The following IGLL5 variants were observed in gnomAD, a reference collection of about 807,000 sequenced individuals.
The protein encoded by IGLL5 is immunoglobulin lambda-like polypeptide 5.
In IGLL5, 30 loss-of-function variants were observed where a neutral mutation model predicts 20.9. The ratio of observed to expected loss-of-function variants is 1.44; its 90% CI spans 1.07 to 1.95. The LOEUF (loss-of-function observed/expected upper bound fraction) is 1.95. IGLL5 is among the 30% of genes most tolerant of loss of function. IGLL5 has a pLI of 0.00. For missense variants in IGLL5, 475 were observed against 270.7 expected (o/e 1.75, Z -5.30); for synonymous variants, 203 against 117.3 (o/e 1.73, Z -4.72).
chr22:22,890,400 A>G (rs2146006864), intron 1 of IGLL5, among the ~76,000 whole-genome samples: 2 of 150,130 alleles, frequency 1.3e-5, no homozygotes, highest in South Asian at 2.2e-4. Context: ...GCATATTACC[A>G]ACTTTTAATC....
At position 22,888,136 on chromosome 22, in the gene IGLL5, T is replaced by C. The variant is rs557662662; in HGVS notation, c.83T>C (p.Leu28Pro). The change falls in exon 1 of 3, where the codon CTG becomes CCG. Residue 28 changes from leucine (L) to proline (P), a missense_variant. Leu to Pro is a moderately conservative substitution (Grantham distance 98, BLOSUM62 -3). Coordinates refer to ENST00000526893, the MANE Select transcript of IGLL5 (RefSeq NM_001178126.2). ...PGPRQRWPLLLLGLAMVAHGL... is the reference protein window; with the variant it reads ...PGPRQRWPLLPLGLAMVAHGL... ...CCCAGGCAGCGCTGGCCCCTGCTGC[T>C]GCTGGGTCTGGCCATGGTCGCCCAT... is the stretch of plus-strand genomic sequence containing the variant. 8 of 1,549,748 alleles carry C rather than the reference T, an allele frequency of 5.2e-6. No homozygotes were observed. The highest frequency in any genetic ancestry group is 2.5e-5 in the East Asian group (1 of 40,690).
At chr22:22,894,277 C>T (rs552139770) in intron 2 of IGLL5, among the ~76,000 whole-genome samples, 11 of 150,994 alleles carry the variant, frequency 7.3e-5, no homozygotes, top group East Asian at 4.1e-4. Flanking sequence ...GCCAATCCAG[C>T]CTGGGAGGGC....
intron 1 of IGLL5, among the ~76,000 whole-genome samples, chr22:22,890,455 T>C (rs573511723): frequency 6.7e-6 from 1 of 150,158 alleles, no homozygotes; most frequent in South Asian, 2.2e-4. Context: ...TTAACCACAT[T>C]CATTGCTTAT....
At chr22:22,889,266 T>C (rs150686854) in intron 1 of IGLL5, among the ~76,000 whole-genome samples, 5 of 151,030 alleles carry the variant, frequency 3.3e-5, no homozygotes, top group East Asian at 4.1e-4. Flanking sequence ...GGGGCCCAGT[T>C]TCCTATGAAA....
rs368347911 is a variant in IGLL5, at chr22:22,889,535, A to T, written c.206+1276A>T. On this transcript the variant is annotated intron_variant, in intron 1 of 2. Coordinates refer to ENST00000526893, the MANE Select transcript of IGLL5 (RefSeq NM_001178126.2). ...ATTAGTGATGGGAGAAAACTGGAAAAAATCCAAATATCTACCAGAAAGGGT... is the reference window on the plus strand; with the variant it reads ...ATTAGTGATGGGAGAAAACTGGAAATAATCCAAATATCTACCAGAAAGGGT... 3.2e-3 allele frequency among the ~76,000 whole-genome samples: 490 copies of T among 151,256 alleles called. 14 individuals carry two copies. In the South Asian group the frequency reaches 0.061, roughly 19 times the overall value.
Position 22,887,833 on chromosome 22 carries a change from G to C in IGLL5, c.-221G>C. 3.3e-6 allele frequency: 2 copies of C among 604,112 alleles called. No homozygotes were observed. Among genetic ancestry groups the C allele is most frequent in the South Asian group, 2.0e-5 (1 of 50,888 alleles). 37.4% of individuals were successfully genotyped at this position (604,112 alleles called of 1,614,324 possible). On this transcript the variant is annotated 5_prime_UTR_variant, in exon 1 of 3. Coordinates refer to ENST00000526893, the MANE Select transcript of IGLL5 (RefSeq NM_001178126.2). ...CCTGGATTGTGACCGCTTCAGGGCA[G>C]TTGGTAGATGCCCCTCTGGGAGAGA...
Position 22,887,962 on chromosome 22 carries a change from A to G in IGLL5, c.-92A>G, listed in dbSNP as rs148176138. 6 of 1,021,404 alleles carry G rather than the reference A, an allele frequency of 5.9e-6. No individual in the cohort carries two copies. The highest frequency in any genetic ancestry group is 4.0e-5 in the Admixed American group (2 of 50,122). The allele number at this position is 1,021,404 out of a possible 1,614,324, so 63.3% of individuals were successfully genotyped here. A position where few individuals can be genotyped will look rare whatever the true frequency, so the allele number is the denominator to read the frequency against. ...GAGCCAATGGACTGGGGTGTACTGT[A>G]ACAGCCCTGCTGGCGAGAGGGACCA... On this transcript the variant is annotated 5_prime_UTR_variant, in exon 1 of 3. It removes the in-frame stop codon of an upstream open reading frame in the 5' UTR. Coordinates refer to ENST00000526893, the MANE Select transcript of IGLL5 (RefSeq NM_001178126.2).
Position 22,893,802 on chromosome 22 carries a change from C to G in IGLL5, c.309C>G (p.Thr103=), listed in dbSNP as rs757090335. The part of the protein sequence containing the change: ...QSLCYVFGTG[T]KVTVLGQPKA... The stretch of plus-strand genomic sequence containing the variant: ...TGTGTTATGTCTTCGGAACTGGGAC[C>G]AAGGTCACCGTCCTAGGTAAGTGGC... Residue 103 remains threonine (T), a synonymous_variant, in exon 2 of 3, where the codon ACC becomes ACG. Transcript: ENST00000526893. 6 of 1,610,416 alleles carry G rather than the reference C, an allele frequency of 3.7e-6. No homozygotes were observed. The highest frequency in any genetic ancestry group is 1.7e-5 in the Admixed American group (1 of 59,826).
chr22:22,894,421 G>C (rs1056122289), intron 2 of IGLL5, among the ~76,000 whole-genome samples: 7 of 151,466 alleles, frequency 4.6e-5, no homozygotes, highest in East Asian at 4.0e-4. Flanking sequence ...GGACGGGTGA[G>C]ACTGGGTGAG....
rs147100852 is a variant in IGLL5, at chr22:22,894,012, C to T, written c.325+194C>T. On this transcript the variant is annotated intron_variant, in intron 2 of 2. Transcript: ENST00000526893. ...GGAAGGGCCTCCACAGTGGGAGCAG[C>T]CGGATGCAGCCTGGTCCCGGGGCCT... Among the ~76,000 whole-genome samples the T allele has an allele frequency of 7.3e-5, 11 of 151,506 alleles. 1 individual carries two copies. The highest frequency in any genetic ancestry group is 6.3e-4 in the South Asian group (3 of 4,750).
At chr22:22,894,227 A>C (rs532098136) in intron 2 of IGLL5, among the ~76,000 whole-genome samples, 1 of 151,266 alleles carries the variant, frequency 6.6e-6, no homozygotes, top group African/African-American at 2.4e-5. Flanking sequence ...CTAGGGGAGC[A>C]GCCCCAAGAA....
intron 2 of IGLL5, among the ~76,000 whole-genome samples, chr22:22,894,053 A>C: frequency 6.6e-6 from 1 of 151,392 alleles, no homozygotes; most frequent in South Asian, 2.1e-4. Context: ...GGGATTGGGC[A>C]GGGTCAGGGC....
chr22:22,887,982 G>C lies in IGLL5; in HGVS notation c.-72G>C. 1 of 1,229,776 alleles carries C rather than the reference G, an allele frequency of 8.1e-7. No homozygotes were observed. Among genetic ancestry groups the C allele is most frequent in the Non-Finnish European group, 1.2e-6 (1 of 855,706 alleles). The allele number at this position is 1,229,776 out of a possible 1,614,324, so 76.2% of individuals were successfully genotyped here. ...ACTGTAACAGCCCTGCTGGCGAGAGGGACCAGGGCACCGTCCTCCAGGGAG... is the reference window on the plus strand; with the variant it reads ...ACTGTAACAGCCCTGCTGGCGAGAGCGACCAGGGCACCGTCCTCCAGGGAG... On this transcript the variant is annotated 5_prime_UTR_variant, in exon 1 of 3. Transcript: ENST00000526893.
intron 1 of IGLL5, among the ~76,000 whole-genome samples, chr22:22,888,979 G>T: frequency 1.3e-5 from 2 of 151,444 alleles, no homozygotes; most frequent in African/African-American, 4.8e-5. Flanking sequence ...CACAGGATGA[G>T]GCTGGGAGCT....
In IGLL5 at chr22:22,894,161, T is replaced by C. The variant is rs567547741; in HGVS notation, c.325+343T>C. ...CTTAGGGACATTGCCCAGTGACTCC[T>C]GGGGTCAAGGACAGAGGCTGCTGGG... On this transcript the variant is annotated intron_variant, in intron 2 of 2. Transcript: ENST00000526893. Among the ~76,000 whole-genome samples, 8 of 151,464 alleles carry C rather than the reference T, an allele frequency of 5.3e-5. 1 individual carries two copies. The highest frequency in any genetic ancestry group is 2.0e-4 in the East Asian group (1 of 4,944).
chr22:22,894,700 T>G lies in IGLL5; in HGVS notation c.326-675T>G, dbSNP rs528273588. ...TGGGCCTGGGGGCTGCTGAGTCTCA[T>G]AGTCTGTGGGAGCAGCCCCAGGAAC... On this transcript the variant is annotated intron_variant, in intron 2 of 2. Transcript: ENST00000526893. 4.6e-5 allele frequency among the ~76,000 whole-genome samples: 7 copies of G among 151,300 alleles called. No individual in the cohort carries two copies. The South Asian group carries it at 6.3e-4, about 14-fold the overall frequency.
intron 2 of IGLL5, among the ~76,000 whole-genome samples, chr22:22,894,532 G>T (rs139463253): frequency 6.6e-6 from 1 of 151,480 alleles, no homozygotes; most frequent in Admixed American, 6.6e-5. Context: ...CTGGGGCCCA[G>T]TGTCTCTCTG....
intron 1 of IGLL5, among the ~76,000 whole-genome samples, chr22:22,890,553 TTGTGTGTG>T (rs3029157): frequency 0.14 from 17,494 of 120,762 alleles, 1,627 homozygotes; most frequent in East Asian, 0.59. Flanking sequence ...CAGTGGAAAT[TTGTGTGTG>T]TGTGTGTGTG....
At chr22:22,894,308 A>G (rs567147810) in intron 2 of IGLL5, among the ~76,000 whole-genome samples, 2 of 151,272 alleles carry the variant, frequency 1.3e-5, no homozygotes, top group East Asian at 2.0e-4. Flanking sequence ...GGTGACACAG[A>G]GGTCACCCCA....
Sources: gnomAD v4.1 joint callset for allele counts (sites outside exome capture counted in the v4.1 genomes callset) on GRCh38, gnomAD v4.1.1 for gene constraint, MANE v1.5 for transcripts, NCBI Gene and HGNC (gene_info 2026-07-23, HGNC 2026-07-21) for gene names.